Variants in DNAH5 observed in about 807,000 individuals in gnomAD.
DNAH5 encodes axonemal beta dynein heavy chain 5.
Under a neutral mutation model 518.2 loss-of-function variants are expected in DNAH5, and 372 were observed. The observed-to-expected ratio is 0.72, with a 90% CI of 0.66 to 0.78. DNAH5 has a LOEUF of 0.78. DNAH5 is among the 30% of genes least tolerant of loss of function. The pLI, the probability that DNAH5 is intolerant of heterozygous loss-of-function variation, is 0.00. For synonymous variants in DNAH5, 2,039 were observed against 2,025.9 expected (o/e 1.01, Z -0.17); for missense variants, 5,523 against 5,687.0 (o/e 0.97, Z 0.93).
chr5:13,856,560 AC>A lies in DNAH5; in HGVS notation c.4950+2891del, dbSNP rs530127010. Among the ~76,000 whole-genome samples, 42 of 152,292 alleles carry A rather than the reference AC, an allele frequency of 2.8e-4. No individual in the cohort carries two copies. In the East Asian group the frequency reaches 6.8e-3, roughly 24 times the overall value. ...CATACCAAAACCTGGCAGAGACACA[AC>A]AAAAAAAGAAAATTTAGGCCAATAT... On this transcript the variant is annotated intron_variant, in intron 30 of 78. Coordinates refer to ENST00000265104, the MANE Select transcript of DNAH5 (RefSeq NM_001369.3).
chr5:13,734,653 C>T (rs892156143), intron 68 of DNAH5, among the ~76,000 whole-genome samples: 2 of 152,140 alleles, frequency 1.3e-5, no homozygotes, highest in African/African-American at 2.4e-5. Context: ...GTTCCCATGG[C>T]CAGCACCTCC....
At chr5:13,710,481 C>T (rs1423249271) in intron 75 of DNAH5, among the ~76,000 whole-genome samples, 3 of 151,944 alleles carry the variant, frequency 2.0e-5, no homozygotes, top group African/African-American at 7.3e-5. Context: ...AAGGAAATAA[C>T]CAAGATCAGA....
chr5:13,778,592 AAGAAAG>A (rs772849095), intron 53 of DNAH5, among the ~76,000 whole-genome samples: 535 of 51,568 alleles, frequency 0.01, 9 homozygotes, highest in African/African-American at 0.02. Context: ...GAAAGAAAGA[AAGAAAG>A]AGAGAGAGAA....
intron 1 of DNAH5, among the ~76,000 whole-genome samples, chr5:13,988,592 A>G (rs1373152881): frequency 6.7e-6 from 1 of 148,592 alleles, no homozygotes; most frequent in Admixed American, 6.8e-5. Flanking sequence ...TAATTTTTAT[A>G]TTTTTAGTAC....
intron 35 of DNAH5, among the ~76,000 whole-genome samples, chr5:13,835,612 T>C (rs1470894126): frequency 6.6e-6 from 1 of 151,996 alleles, no homozygotes; most frequent in Non-Finnish European, 1.5e-5. Context: ...GGAGGGCCAG[T>C]TTTTTCGAGG....
At chr5:13,920,811 G>A (rs978417750) in intron 5 of DNAH5, among the ~76,000 whole-genome samples, 194 bp from the exon 6 acceptor site, 4 of 151,946 alleles carry the variant, frequency 2.6e-5, no homozygotes, top group African/African-American at 9.7e-5. Context: ...ACACTTCCCT[G>A]TGATCCTACA....
In DNAH5 at chr5:13,987,028, G is replaced by C. The variant is rs181415809; in HGVS notation, c.12+24620C>G. Among the ~76,000 whole-genome samples, 23 of 152,276 alleles carry C rather than the reference G, an allele frequency of 1.5e-4. No individual in the cohort carries two copies. In the East Asian group the frequency reaches 4.5e-3, roughly 29 times the overall value. ...AAACGTCCGTCAGTGGGAAGCCGGA[G>C]CAAGGGAAAATTCTCCTTCCTTTCC... On this transcript the variant is annotated intron_variant, in intron 1 of 78. Coordinates refer to the DNAH5 transcript ENST00000681290.
intron 75 of DNAH5, among the ~76,000 whole-genome samples, chr5:13,712,340 A>G (rs1183550386): frequency 1.3e-5 from 2 of 152,240 alleles, no homozygotes; most frequent in Non-Finnish European, 2.9e-5. Context: ...TAAGGACTTA[A>G]ATCTAAGACC....
At chr5:13,726,982 A>G (rs1745826403) in intron 70 of DNAH5, among the ~76,000 whole-genome samples, 1 of 152,248 alleles carries the variant, frequency 6.6e-6, no homozygotes, top group Non-Finnish European at 1.5e-5. Flanking sequence ...ATCTGGAGGC[A>G]GGATTCACAT....
At chr5:13,956,607 T>C (rs1780779674) in intron 1 of DNAH5, among the ~76,000 whole-genome samples, 1 of 152,204 alleles carries the variant, frequency 6.6e-6, no homozygotes. Flanking sequence ...CTCCTTTGAG[T>C]GTCACTCTGC....
Position 13,707,856 on chromosome 5 carries a change from T to C in DNAH5, c.13338+267A>G, listed in dbSNP as rs1179684711. Among the ~76,000 whole-genome samples the C allele has an allele frequency of 6.6e-6, 1 of 152,072 alleles. No homozygotes were observed. Among genetic ancestry groups the C allele is most frequent in the African/African-American group, 2.4e-5 (1 of 41,386 alleles). ...ACTTAACCTGTCCCAAACTTAAGTT[T>C]CTCATCTGTAAAATAAGAGCAGTAA... On this transcript the variant is annotated intron_variant, in intron 76 of 78. Coordinates refer to ENST00000265104, the MANE Select transcript of DNAH5 (RefSeq NM_001369.3). The surrounding 1 kb of genome is among the most constrained non-coding windows in gnomAD (Gnocchi z 4.0).
chr5:13,952,308 G>T (rs1488844864), intron 1 of DNAH5, among the ~76,000 whole-genome samples: 1 of 152,222 alleles, frequency 6.6e-6, no homozygotes, highest in Admixed American at 6.5e-5. Flanking sequence ...CTGATTACAA[G>T]AATGTGATCA....
At chr5:13,991,204 G>C (rs1260797032) in intron 1 of DNAH5, among the ~76,000 whole-genome samples, 1 of 152,184 alleles carries the variant, frequency 6.6e-6, no homozygotes, top group Non-Finnish European at 1.5e-5. Context: ...AAATGCCTAA[G>C]CTAAGAGCAA....
At chr5:13,796,557 G>A (rs939013134) in intron 47 of DNAH5, among the ~76,000 whole-genome samples, 1 of 151,864 alleles carries the variant, frequency 6.6e-6, no homozygotes, top group Non-Finnish European at 1.5e-5. Flanking sequence ...AAGAGGACAC[G>A]AAAAAATGGA....
rs765918102 is a variant in DNAH5, at chr5:13,865,834, T to C, written c.4189A>G (p.Thr1397Ala). 1.2e-6 allele frequency: 2 copies of C among 1,613,890 alleles called. No individual in the cohort carries two copies. The highest frequency in any genetic ancestry group is 1.1e-5 in the South Asian group (1 of 91,058). The part of the protein sequence containing the change: ...GGEELFGLPA[T>A]QYPQLLEIKK... ...ATTTCAAGAAGCTGAGGATACTGTG[T>C]AGCTGGCAGGCCAAAAAGCTCCTCT... Residue 1397 changes from threonine to alanine, a missense_variant, in exon 27 of 79, where the codon ACA (threonine) becomes GCA (alanine). Physicochemically the swap from Thr to Ala is moderately conservative, Grantham distance 58. Coordinates refer to ENST00000265104, the MANE Select transcript of DNAH5 (RefSeq NM_001369.3).
chr5:13,873,279 A>G (rs1452875261), intron 22 of DNAH5, among the ~76,000 whole-genome samples: 1 of 152,144 alleles, frequency 6.6e-6, no homozygotes, highest in Non-Finnish European at 1.5e-5. Flanking sequence ...CTTTTATAGT[A>G]AAGTTCTGTA....
intron 65 of DNAH5, among the ~76,000 whole-genome samples, chr5:13,747,797 G>C (rs1196379831): frequency 6.6e-6 from 1 of 152,122 alleles, no homozygotes; most frequent in Admixed American, 6.5e-5. Flanking sequence ...TTTGTCAGAT[G>C]AGTAGATTGC....
Position 13,718,921 on chromosome 5 carries a change from G to A in DNAH5, c.12460C>T (p.Pro4154Ser), listed in dbSNP as rs1012746507. 9.3e-6 allele frequency: 15 copies of A among 1,614,026 alleles called. No individual in the cohort carries two copies. Among genetic ancestry groups the A allele is most frequent in the Non-Finnish European group, 1.1e-5 (13 of 1,180,008 alleles). The change falls in exon 72 of 79, where the codon CCA (proline) becomes TCA (serine). Residue 4154 changes from proline (P) to serine (S), a missense_variant. Transcript: ENST00000265104. ...TTCAGTCCTGCCCGGAGTCCTTGTGGAGGATCGTTGGCAAATTTAATGGAC... is the reference window on the plus strand; with the variant it reads ...TTCAGTCCTGCCCGGAGTCCTTGTGAAGGATCGTTGGCAAATTTAATGGAC... ...QMSIKFANDP[P>S]QGLRAGLKRT...
At chr5:13,823,403 A>G (rs1436137475) in intron 39 of DNAH5, 33 bp from the exon 40 acceptor site, 30 of 1,407,520 alleles carry the variant, frequency 2.1e-5, no homozygotes, top group Non-Finnish European at 2.9e-5. Flanking sequence ...CAGACCAATT[A>G]TTCTGGTATA....
Sources: gnomAD v4.1 joint callset for allele counts (sites outside exome capture counted in the v4.1 genomes callset) on GRCh38, gnomAD v4.1.1 for gene constraint, Gnocchi (gnomAD v3.1) non-coding constraint, MANE v1.5 for transcripts, NCBI Gene and HGNC (gene_info 2026-07-23, HGNC 2026-07-21) for gene names.